Variants in PTPRR observed in about 807,000 individuals in gnomAD.
The protein encoded by PTPRR is receptor-type tyrosine-protein phosphatase R.
Under a neutral mutation model 77.2 loss-of-function variants are expected in PTPRR, and 38 were observed. That is an observed-to-expected ratio of 0.49 (90% CI 0.38 to 0.65). The LOEUF is 0.65. Ranked by LOEUF, PTPRR falls within the 30% of genes least tolerant of loss-of-function variation. The probability of loss-of-function intolerance (pLI) is 0.00; values close to 1 mark genes in which losing one functional copy is unlikely to be tolerated. For missense variants in PTPRR, 744 were observed against 799.2 expected (o/e 0.93, Z 0.83); for synonymous variants, 299 against 283.1 (o/e 1.06, Z -0.57).
intron 1 of PTPRR, among the ~76,000 whole-genome samples, chr12:70,902,824 A>C (rs1489852787): frequency 6.6e-6 from 1 of 151,710 alleles, no homozygotes; most frequent in Non-Finnish European, 1.5e-5. Flanking sequence ...AAATCTCACA[A>C]ATCAGCACTA....
At chr12:70,784,519 C>G (rs1050289787) in intron 2 of PTPRR, among the ~76,000 whole-genome samples, 1 of 152,212 alleles carries the variant, frequency 6.6e-6, no homozygotes. Context: ...ACAACCTAGC[C>G]CCGCTCCAAT....
At chr12:70,666,625 G>A (rs995648363) in intron 10 of PTPRR, among the ~76,000 whole-genome samples, 6 of 152,140 alleles carry the variant, frequency 3.9e-5, no homozygotes, top group African/African-American at 1.4e-4. Flanking sequence ...AGGGACAGGT[G>A]AGACAATGAC....
chr12:70,784,564 G>T (rs939667818), intron 2 of PTPRR, among the ~76,000 whole-genome samples: 1 of 152,202 alleles, frequency 6.6e-6, no homozygotes, highest in African/African-American at 2.4e-5. Context: ...GCTGTTGGGG[G>T]TTCTGTCTGC....
At chr12:70,740,838 A>G (rs1890023065) in intron 6 of PTPRR, among the ~76,000 whole-genome samples, 2 of 152,162 alleles carry the variant, frequency 1.3e-5, no homozygotes, top group Admixed American at 1.3e-4. Context: ...ACCTCACTCC[A>G]GGATCAAAAG....
At chr12:70,884,120 T>C (rs1893194692) in intron 2 of PTPRR, among the ~76,000 whole-genome samples, 1 of 152,200 alleles carries the variant, frequency 6.6e-6, no homozygotes, top group Admixed American at 6.5e-5. Context: ...GAGAACCTTC[T>C]AGGGACTTTT....
At chr12:70,714,429 C>T (rs939703037) in intron 6 of PTPRR, among the ~76,000 whole-genome samples, 7 of 152,094 alleles carry the variant, frequency 4.6e-5, no homozygotes, top group South Asian at 2.1e-4. Context: ...CAATTGCCCA[C>T]GCACTTACAA....
chr12:70,908,581 T>G (rs1413416169), intron 1 of PTPRR, among the ~76,000 whole-genome samples: 1 of 152,100 alleles, frequency 6.6e-6, no homozygotes, highest in Admixed American at 6.5e-5. Context: ...ATGATTCAAT[T>G]ATCTCCACCT....
At position 70,696,679 on chromosome 12, in the gene PTPRR, T is replaced by A. The variant is rs569752563; in HGVS notation, c.1279+1586A>T. ...GCCATCACAGCATTTTTTTTTAAAT[T>A]TTCACAGAGCTGTGCAACAATCACT... On this transcript the variant is annotated intron_variant, in intron 8 of 13. Coordinates refer to ENST00000283228, the MANE Select transcript of PTPRR (RefSeq NM_002849.4). Among the ~76,000 whole-genome samples the A allele has an allele frequency of 2.0e-5, 3 of 152,260 alleles. No homozygotes were observed. In the East Asian group the frequency reaches 5.8e-4, roughly 29 times the overall value.
intron 1 of PTPRR, among the ~76,000 whole-genome samples, chr12:70,917,077 A>G (rs1893786189): frequency 6.6e-6 from 1 of 152,220 alleles, no homozygotes; most frequent in Non-Finnish European, 1.5e-5. Flanking sequence ...CAAATGGAAT[A>G]TGCTTCTTTG....
At position 70,759,695 on chromosome 12, in the gene PTPRR, A is replaced by AC. The variant is rs1176222682; in HGVS notation, c.627+1775_627+1776insG. Among the ~76,000 whole-genome samples, 1,284 of 149,852 alleles carry AC rather than the reference A, an allele frequency of 8.6e-3. 29 individuals are homozygous for AC. Among genetic ancestry groups the AC allele is most frequent in the African/African-American group, 0.03 (1,215 of 40,682 alleles). On this transcript the variant is annotated intron_variant, in intron 4 of 13. Transcript: ENST00000283228. ...ACTCCGTCTTAAAAAAAAAAAAAAA[A>AC]AAAAAAAAAAACAAACGAAAGGTAT...
intron 10 of PTPRR, chr12:70,673,052 A>C: frequency 8.6e-7 from 1 of 1,165,334 alleles, no homozygotes; most frequent in Non-Finnish European, 1.1e-6. Flanking sequence ...AAAAAAAAGA[A>C]AGAAAGAAAG....
intron 4 of PTPRR, among the ~76,000 whole-genome samples, chr12:70,759,405 G>A (rs928017815): frequency 2.0e-5 from 3 of 152,066 alleles, no homozygotes; most frequent in South Asian, 2.1e-4. Context: ...TAAGCTTGAC[G>A]GGAACACAGG....
At chr12:70,883,820 T>A (rs563502346) in intron 2 of PTPRR, among the ~76,000 whole-genome samples, 2 of 152,240 alleles carry the variant, frequency 1.3e-5, no homozygotes, top group Non-Finnish European at 2.9e-5. Context: ...TGAAATCTTT[T>A]GAGTGGTCAA....
At chr12:70,891,656 C>G (rs1271558856) in intron 2 of PTPRR, among the ~76,000 whole-genome samples, 2 of 151,622 alleles carry the variant, frequency 1.3e-5, no homozygotes, top group African/African-American at 4.9e-5. Flanking sequence ...TCCAGATATC[C>G]CAAGGGGAAA....
At chr12:70,856,971 T>G (rs1179080519) in intron 2 of PTPRR, among the ~76,000 whole-genome samples, 2 of 152,058 alleles carry the variant, frequency 1.3e-5, no homozygotes, top group African/African-American at 2.4e-5. Flanking sequence ...GACAAATATG[T>G]GTGATTTGAT....
At chr12:70,853,095 T>G (rs1040156175) in intron 2 of PTPRR, among the ~76,000 whole-genome samples, 74 of 152,178 alleles carry the variant, frequency 4.9e-4, no homozygotes, top group African/African-American at 1.7e-3. Flanking sequence ...GGACTTTTAT[T>G]TTATGGAGGA....
intron 8 of PTPRR, among the ~76,000 whole-genome samples, chr12:70,688,087 G>A (rs1887933730): frequency 1.3e-5 from 2 of 152,152 alleles, no homozygotes; most frequent in South Asian, 2.1e-4. Context: ...TTTTCAATAA[G>A]AACCTTGTAT....
At chr12:70,721,858 C>A (rs1889269205) in intron 6 of PTPRR, among the ~76,000 whole-genome samples, 1 of 152,120 alleles carries the variant, frequency 6.6e-6, no homozygotes, top group African/African-American at 2.4e-5. Flanking sequence ...ATTATTGGAA[C>A]TGGCAGGTCA....
chr12:70,915,371 G>A (rs11178486), intron 1 of PTPRR, among the ~76,000 whole-genome samples: 8,784 of 152,182 alleles, frequency 0.058, 425 homozygotes, highest in African/African-American at 0.13. Context: ...GTGTTAGGTA[G>A]GATGTGATTT....
Sources: allele counts gnomAD v4.1 joint callset (sites outside exome capture counted in the v4.1 genomes callset), GRCh38; gene constraint gnomAD v4.1.1; transcripts MANE v1.5; gene names NCBI Gene and HGNC (gene_info 2026-07-23, HGNC 2026-07-21).